Variants in TSPAN5 observed in about 807,000 individuals in gnomAD.
The protein encoded by TSPAN5 is tetraspanin 5, also known as tetraspanin-5.
Under a neutral mutation model 37.1 loss-of-function variants are expected in TSPAN5, and 10 were observed. That is an observed-to-expected ratio of 0.27 (90% CI 0.17 to 0.46). The LOEUF (loss-of-function observed/expected upper bound fraction) is 0.46. Among genes scored for constraint, TSPAN5 ranks in the 20% least tolerant of loss-of-function variants. The probability of loss-of-function intolerance (pLI) is 1.00; values close to 1 mark genes in which losing one functional copy is unlikely to be tolerated. For synonymous variants in TSPAN5, 110 were observed against 118.9 expected (o/e 0.93, Z 0.48); for missense variants, 195 against 326.6 (o/e 0.60, Z 3.11).
chr4:98,576,175 A>T (rs554935255), intron 1 of TSPAN5, among the ~76,000 whole-genome samples: 13 of 149,908 alleles, frequency 8.7e-5, no homozygotes, highest in East Asian at 3.9e-4. Flanking sequence ...CAAGAAAATT[A>T]AAAAAAAAAT....
intron 2 of TSPAN5, among the ~76,000 whole-genome samples, chr4:98,487,743 G>T (rs533955538): frequency 1.7e-4 from 26 of 152,182 alleles, no homozygotes; most frequent in Non-Finnish European, 2.4e-4. Flanking sequence ...CAAATCAAAG[G>T]TTACTTCCTC....
intron 1 of TSPAN5, among the ~76,000 whole-genome samples, chr4:98,599,424 CTT>C (rs1292319228): frequency 1.3e-5 from 2 of 151,292 alleles, no homozygotes; most frequent in East Asian, 3.8e-4. Context: ...TTAAAAGAAA[CTT>C]TTTAAAAAAA....
At chr4:98,615,983 T>C (rs1382898540) in intron 1 of TSPAN5, among the ~76,000 whole-genome samples, 1 of 152,152 alleles carries the variant, frequency 6.6e-6, no homozygotes, top group Non-Finnish European at 1.5e-5. Flanking sequence ...ACAACGAAGA[T>C]GCTAAGATTC....
At chr4:98,517,687 CT>C (rs747774975) in intron 1 of TSPAN5, among the ~76,000 whole-genome samples, 13 of 152,058 alleles carry the variant, frequency 8.5e-5, no homozygotes, top group Non-Finnish European at 1.9e-4. Flanking sequence ...AACTGATACT[CT>C]TCTTGGAAAT....
chr4:98,491,230 T>A (rs1019988399), intron 2 of TSPAN5, among the ~76,000 whole-genome samples: 21 of 152,194 alleles, frequency 1.4e-4, no homozygotes, highest in Admixed American at 3.9e-4. Flanking sequence ...CAAGAATATA[T>A]TATTAGCCAT....
At chr4:98,587,660 C>T (rs1482150921) in intron 1 of TSPAN5, among the ~76,000 whole-genome samples, 3 of 152,038 alleles carry the variant, frequency 2.0e-5, no homozygotes, top group South Asian at 2.1e-4. Flanking sequence ...GAGGCTGAGG[C>T]GGGCAGATCA....
rs1438042269 is a variant in TSPAN5, at chr4:98,548,022, AAAAAAG to A, written c.82-40300_82-40295del. 6.1e-3 allele frequency among the ~76,000 whole-genome samples: 852 copies of A among 140,188 alleles called. 93 individuals carry two copies. The highest frequency in any genetic ancestry group is 0.011 in the Middle Eastern group (3 of 276). The allele number at this position is 140,188 out of a possible 152,430, so 92.0% of individuals were successfully genotyped here. A position where few individuals can be genotyped will look rare whatever the true frequency, so the allele number is the denominator to read the frequency against. On this transcript the variant is annotated intron_variant, in intron 1 of 7. Transcript: ENST00000305798. ...GCGAGACTCTGTCTCAAAAAAAAAA[AAAAAAG>A]AAAAAGAAAAAGAAAAAAACACAAA...
chr4:98,575,290 T>C (rs1465481481), intron 1 of TSPAN5, among the ~76,000 whole-genome samples: 3 of 152,138 alleles, frequency 2.0e-5, no homozygotes, highest in African/African-American at 7.2e-5. Flanking sequence ...TCTCTCAGAT[T>C]TATACATAGG....
intron 1 of TSPAN5, among the ~76,000 whole-genome samples, chr4:98,598,706 T>C (rs912007603): frequency 4.5e-4 from 69 of 152,146 alleles, no homozygotes; most frequent in African/African-American, 1.7e-3. Context: ...AAGCGATCCA[T>C]CCACCTCAGC....
chr4:98,516,734 C>T lies in TSPAN5; in HGVS notation c.82-9006G>A, dbSNP rs12233846. Among the ~76,000 whole-genome samples, 300 of 152,278 alleles carry T rather than the reference C, an allele frequency of 2.0e-3. 4 individuals are homozygous for T. In the East Asian group the frequency reaches 0.038, roughly 19 times the overall value. The stretch of plus-strand genomic sequence containing the variant: ...TGGCTTGCAGCTGTTCTAGAGGTAA[C>T]TGAACACTTGTATTAACAGTAGTGA... On this transcript the variant is annotated intron_variant, in intron 1 of 7. Transcript: ENST00000305798.
At chr4:98,514,543 G>C (rs753998750) in intron 1 of TSPAN5, among the ~76,000 whole-genome samples, 1 of 152,066 alleles carries the variant, frequency 6.6e-6, no homozygotes, top group African/African-American at 2.4e-5. Flanking sequence ...CAAACTGTCC[G>C]GAGTCCTCAT....
At chr4:98,520,263 G>A (rs1180628716) in intron 1 of TSPAN5, among the ~76,000 whole-genome samples, 1 of 152,214 alleles carries the variant, frequency 6.6e-6, no homozygotes, top group Non-Finnish European at 1.5e-5. Flanking sequence ...ACTAAGCAAA[G>A]GGGTGGCAAC....
chr4:98,651,184 G>A (rs1031064976), intron 1 of TSPAN5, among the ~76,000 whole-genome samples: 52 of 152,242 alleles, frequency 3.4e-4, no homozygotes, highest in African/African-American at 1.2e-3. Flanking sequence ...CAATGAGAAC[G>A]CAGCACCATT....
At chr4:98,636,344 T>TG (rs1394093744) in intron 1 of TSPAN5, among the ~76,000 whole-genome samples, 1 of 152,206 alleles carries the variant, frequency 6.6e-6, no homozygotes, top group Non-Finnish European at 1.5e-5. Flanking sequence ...TCCATGCAGG[T>TG]AAGACTGTGG....
intron 1 of TSPAN5, among the ~76,000 whole-genome samples, chr4:98,625,753 T>C (rs1756584773): frequency 6.6e-6 from 1 of 152,220 alleles, no homozygotes; most frequent in African/African-American, 2.4e-5. Context: ...GTAGCATTTA[T>C]TCATTCCTTC....
chr4:98,592,522 G>T (rs1267198164), intron 1 of TSPAN5, among the ~76,000 whole-genome samples: 2 of 145,898 alleles, frequency 1.4e-5, no homozygotes, highest in Admixed American at 1.4e-4. Context: ...TGCCATGCTG[G>T]TGCGCTGCAC....
intron 2 of TSPAN5, among the ~76,000 whole-genome samples, chr4:98,491,175 TA>T (rs1260178692): frequency 6.6e-6 from 1 of 152,228 alleles, no homozygotes; most frequent in Non-Finnish European, 1.5e-5. Flanking sequence ...CTCACATAGT[TA>T]TCATTTTTGT....
At chr4:98,621,634 C>T (rs1756483345) in intron 1 of TSPAN5, among the ~76,000 whole-genome samples, 1 of 152,104 alleles carries the variant, frequency 6.6e-6, no homozygotes, top group Admixed American at 6.5e-5. Flanking sequence ...TCCCAAAGTG[C>T]TAGGATAACA....
At chr4:98,544,678 T>A (rs1011675167) in intron 1 of TSPAN5, among the ~76,000 whole-genome samples, 18 of 151,924 alleles carry the variant, frequency 1.2e-4, no homozygotes, top group African/African-American at 4.4e-4. Context: ...TAAAATGAGA[T>A]AGAAGGAAAT....
Sources: gnomAD v4.1 joint callset for allele counts (sites outside exome capture counted in the v4.1 genomes callset) on GRCh38, gnomAD v4.1.1 for gene constraint, MANE v1.5 for transcripts, NCBI Gene and HGNC (gene_info 2026-07-23, HGNC 2026-07-21) for gene names.